Variants in SLC8A1 observed in about 807,000 individuals in gnomAD.
SLC8A1 encodes sodium/calcium exchanger 1.
A neutral mutation model predicts 68.3 loss-of-function variants in SLC8A1; 18 were observed. The ratio of observed to expected loss-of-function variants is 0.26; its 90% CI spans 0.18 to 0.39. The LOEUF (loss-of-function observed/expected upper bound fraction) is 0.39. Ranked by LOEUF, SLC8A1 falls within the 10% of genes least tolerant of loss-of-function variation. SLC8A1 has a pLI of 1.00. For synonymous variants in SLC8A1, 475 were observed against 415.5 expected (o/e 1.14, Z -1.74); for missense variants, 985 against 1,156.7 (o/e 0.85, Z 2.15).
chr2:40,384,397 A>C (rs1002596980), intron 2 of SLC8A1, among the ~76,000 whole-genome samples: 9 of 152,152 alleles, frequency 5.9e-5, no homozygotes, highest in South Asian at 2.1e-4. Flanking sequence ...ATGAAAACAC[A>C]ATGAGACAGT....
At chr2:40,374,755 A>G (rs1679256008) in intron 2 of SLC8A1, among the ~76,000 whole-genome samples, 1 of 151,968 alleles carries the variant, frequency 6.6e-6, no homozygotes, top group African/African-American at 2.4e-5. Context: ...ACAGCCTCTA[A>G]AAGATTATTC....
intron 2 of SLC8A1, among the ~76,000 whole-genome samples, chr2:40,224,767 G>A (rs2058765082): frequency 6.6e-6 from 1 of 152,178 alleles, no homozygotes; most frequent in Non-Finnish European, 1.5e-5. Flanking sequence ...ATCTTCTGCA[G>A]AAGATGAGTT....
intron 1 of SLC8A1, among the ~76,000 whole-genome samples, chr2:40,433,663 G>C (rs147732267): frequency 0.013 from 1,905 of 152,258 alleles, 23 homozygotes; most frequent in Non-Finnish European, 0.02. Context: ...CTGAGGCTTA[G>C]ATAGGTTAAG....
At chr2:40,237,342 C>G (rs2060535269) in intron 2 of SLC8A1, among the ~76,000 whole-genome samples, 1 of 152,078 alleles carries the variant, frequency 6.6e-6, no homozygotes, top group Admixed American at 6.5e-5. Flanking sequence ...CTTCTCACTT[C>G]ATTTCATTCA....
At chr2:40,255,051 T>C (rs1356665495) in intron 2 of SLC8A1, 1 of 128,510 alleles carries the variant, frequency 7.8e-6, no homozygotes, top group Non-Finnish European at 1.6e-5. Context: ...TTTTATTTCT[T>C]TCTCCTTAAA....
intron 2 of SLC8A1, among the ~76,000 whole-genome samples, chr2:40,221,220 G>A (rs191441240): frequency 4.5e-4 from 68 of 152,234 alleles, no homozygotes; most frequent in Non-Finnish European, 9.1e-4. Context: ...TGCAAGGGTG[G>A]TTCAACATAT....
chr2:40,182,341 T>C (rs1013158572), intron 2 of SLC8A1, among the ~76,000 whole-genome samples: 1 of 152,208 alleles, frequency 6.6e-6, no homozygotes, highest in Non-Finnish European at 1.5e-5. Flanking sequence ...ACTTCTTTTT[T>C]ACAGCTTTTC....
At chr2:40,150,116 AG>A (rs1241988324) in intron 6 of SLC8A1, among the ~76,000 whole-genome samples, 1 of 150,710 alleles carries the variant, frequency 6.6e-6, no homozygotes, top group African/African-American at 2.4e-5. Context: ...GCTCGGGGCC[AG>A]GATTCTAAGA....
chr2:40,132,292 T>C (rs779656314), intron 7 of SLC8A1, among the ~76,000 whole-genome samples: 2 of 152,148 alleles, frequency 1.3e-5, no homozygotes, highest in African/African-American at 2.4e-5. Flanking sequence ...CTACAAACTT[T>C]GGCTAAATAT....
At chr2:40,443,198 C>T (rs999781080) in intron 1 of SLC8A1, among the ~76,000 whole-genome samples, 1 of 152,096 alleles carries the variant, frequency 6.6e-6, no homozygotes, top group Non-Finnish European at 1.5e-5. Flanking sequence ...GTGCAGCATA[C>T]CACCATGGCA....
At position 40,268,201 on chromosome 2, in the gene SLC8A1, C is replaced by G. The variant is rs904019395; in HGVS notation, c.1809-90346G>C. 2.0e-4 allele frequency among the ~76,000 whole-genome samples: 31 copies of G among 152,228 alleles called. 1 individual carries two copies. Among genetic ancestry groups the G allele is most frequent in the East Asian group, 5.8e-4 (3 of 5,178 alleles). On this transcript the variant is annotated intron_variant, in intron 2 of 7. Transcript: ENST00000406785. ...GTGTGTTTGTGTGTTTCTTTCCCCT[C>G]CAGTGTCCTTTGAGTGTAGTACCAT...
At chr2:40,475,863 T>G (rs1174931874) in intron 1 of SLC8A1, among the ~76,000 whole-genome samples, 1 of 152,042 alleles carries the variant, frequency 6.6e-6, no homozygotes, top group East Asian at 1.9e-4. Flanking sequence ...GATTCTCCTA[T>G]TTTCAGTACT....
chr2:40,229,817 T>C lies in SLC8A1; in HGVS notation c.1809-51962A>G, dbSNP rs151077371. ...TGCTTGGTTCTTTAAAAAACAGTTA[T>C]GCACATGTAAAAAAAGTATTAGGCA... On this transcript the variant is annotated intron_variant, in intron 2 of 7. Transcript: ENST00000406785. Among the ~76,000 whole-genome samples, 28 of 152,260 alleles carry C rather than the reference T, an allele frequency of 1.8e-4. No individual in the cohort carries two copies. The East Asian group carries it at 4.3e-3, about 23-fold the overall frequency.
intron 2 of SLC8A1, among the ~76,000 whole-genome samples, chr2:40,233,232 C>G (rs1338398094): frequency 6.6e-6 from 1 of 152,140 alleles, no homozygotes; most frequent in African/African-American, 2.4e-5. Context: ...AAAAGTGTTC[C>G]TATTTCTCCA....
intron 2 of SLC8A1, among the ~76,000 whole-genome samples, chr2:40,299,407 T>A (rs1245110141): frequency 6.6e-6 from 1 of 152,212 alleles, no homozygotes; most frequent in Non-Finnish European, 1.5e-5. Flanking sequence ...TCTTGACTTT[T>A]CTTTCCCTCA....
intron 7 of SLC8A1, among the ~76,000 whole-genome samples, chr2:40,117,305 G>T (rs1421706729): frequency 6.6e-6 from 1 of 150,604 alleles, no homozygotes; most frequent in Non-Finnish European, 1.5e-5. Context: ...AGTACTTTGG[G>T]AGGCCGAGAT....
At chr2:40,407,824 G>A (rs1690855212) in intron 2 of SLC8A1, among the ~76,000 whole-genome samples, 1 of 152,234 alleles carries the variant, frequency 6.6e-6, no homozygotes. Context: ...AGATGGTCAA[G>A]AGGAGTTGCA....
intron 2 of SLC8A1, among the ~76,000 whole-genome samples, chr2:40,414,455 G>A (rs1291067840): frequency 6.6e-6 from 1 of 152,092 alleles, no homozygotes; most frequent in Non-Finnish European, 1.5e-5. Context: ...TTGAGTGTGT[G>A]GGTAACTAAA....
At chr2:40,467,982 G>A (rs556409515) in intron 1 of SLC8A1, among the ~76,000 whole-genome samples, 5 of 152,088 alleles carry the variant, frequency 3.3e-5, no homozygotes, top group Non-Finnish European at 7.4e-5. Flanking sequence ...CTAGATCTCA[G>A]TTTGGTTGTC....
Sources: allele counts gnomAD v4.1 joint callset (sites outside exome capture counted in the v4.1 genomes callset), GRCh38; gene constraint gnomAD v4.1.1; transcripts MANE v1.5; gene names NCBI Gene and HGNC (gene_info 2026-07-23, HGNC 2026-07-21).